Variants in MIA3 observed in about 807,000 individuals in gnomAD.
The protein encoded by MIA3 is transport and Golgi organization protein 1 homolog.
MIA3 carries 90 observed loss-of-function variants against 192.4 expected under a neutral mutation model. The ratio of observed to expected loss-of-function variants is 0.47; its 90% confidence interval spans 0.39 to 0.56. MIA3 has a LOEUF of 0.56. Among genes scored for constraint, MIA3 ranks in the 20% least tolerant of loss-of-function variants. The pLI is 0.00. For synonymous variants in MIA3, 740 were observed against 792.8 expected, an observed-to-expected ratio of 0.93 and a Z score of 1.12; for missense variants, 2,123 against 2,269.4, an observed-to-expected ratio of 0.94 and a Z score of 1.31.
At chr1:222,654,131 G>A (rs187029431) in intron 15 of MIA3, 112 bp from the exon 16 acceptor site, 179 of 1,031,964 alleles carry the variant, frequency 1.7e-4, no homozygotes, top group Middle Eastern at 1.2e-3. Flanking sequence ...GTTTTTGTTT[G>A]TTCTTTAAAT....
intron 3 of MIA3, among the ~76,000 whole-genome samples, chr1:222,625,468 T>A (rs988647788): frequency 1.3e-5 from 2 of 152,226 alleles, no homozygotes; most frequent in Non-Finnish European, 1.5e-5. Context: ...CTGTTAGACA[T>A]TTTAAGGATA....
chr1:222,667,824 A>G lies in MIA3; in HGVS notation c.*2205A>G, dbSNP rs1664356240. 1 of 152,246 alleles carries G rather than the reference A, an allele frequency of 6.6e-6. No individual in the cohort carries two copies. The allele number at this position is 152,246 out of a possible 1,614,324, so 9.4% of individuals were successfully genotyped here. On this transcript the variant is annotated 3_prime_UTR_variant, in exon 28 of 28. Transcript: ENST00000344922. ...GCTAAAATTGTCTTATTTATGAAGC[A>G]GCAATATTCAGCCTGAAAGCATTTC...
At chr1:222,654,123 TTTTG>T (rs796483247) in intron 15 of MIA3, 116 bp from the exon 16 acceptor site, 24 of 945,584 alleles carry the variant, frequency 2.5e-5, no homozygotes, top group South Asian at 6.4e-5. Context: ...CCTTTTCTGT[TTTTG>T]TTTGTTCTTT....
chr1:222,664,231 G>T, intron 27 of MIA3, 83 bp downstream of exon 27: 2 of 1,442,942 alleles, frequency 1.4e-6, no homozygotes, highest in South Asian at 2.4e-5. Context: ...AACTGCAATT[G>T]CGGGGCTTTG....
chr1:222,652,058 A>C lies in MIA3; in HGVS notation c.3981+10A>C. The C allele has an allele frequency of 6.7e-7, 1 of 1,493,186 alleles. No individual in the cohort carries two copies. The highest frequency in any genetic ancestry group is 9.3e-7 in the Non-Finnish European group (1 of 1,070,394). The allele number at this position is 1,493,186 out of a possible 1,614,324, so 92.5% of individuals were successfully genotyped here. A position where few individuals can be genotyped will look rare whatever the true frequency, so the allele number is the denominator to read the frequency against. Reference sequence around the variant, plus strand: ...CTCAGAATTTTCAGAGGTAAAGCTGACTGTAATTCCTGCAGGATATTAATA... The same window carrying C: ...CTCAGAATTTTCAGAGGTAAAGCTGCCTGTAATTCCTGCAGGATATTAATA... On this transcript the variant is annotated intron_variant, in intron 12 of 27. Transcript: ENST00000344922.
chr1:222,659,722 TTTC>T lies in MIA3; in HGVS notation c.4807-8_4807-6del. 1 of 1,613,996 alleles carries T rather than the reference TTTC, an allele frequency of 6.2e-7. No individual in the cohort carries two copies. The highest frequency in any genetic ancestry group is 1.6e-4 in the Middle Eastern group (1 of 6,062). On this transcript the variant is annotated splice_polypyrimidine_tract_variant and intron_variant, in intron 21 of 27. Transcript: ENST00000344922. ...TCTCCCACAACTGAATTTGGATATT[TTTC>T]TTCAATAGCTCAAAGCTCGTGCTGC...
chr1:222,625,634 T>G (rs1662080562), intron 3 of MIA3, among the ~76,000 whole-genome samples: 1 of 152,240 alleles, frequency 6.6e-6, no homozygotes, highest in Admixed American at 6.5e-5. Flanking sequence ...AGGTCCAGTC[T>G]CATATCTGTA....
At position 222,654,788 on chromosome 1, in the gene MIA3, G is replaced by A; in HGVS notation, c.4602G>A (p.Leu1534=). ...NELYQQKEMA[L]QKKLSQEEYE... is the part of the protein sequence containing the mutation. ...TCTATCAGCAGAAGGAGATGGCTTT[G>A]CAAAAGTAAGATTATCATCATTTAC... The change falls in exon 18 of 28, where the codon TTG becomes TTA. Residue 1534 remains leucine (L), a synonymous_variant. Coordinates refer to ENST00000344922, the MANE Select transcript of MIA3 (RefSeq NM_198551.4). 6.2e-7 allele frequency: 1 copy of A among 1,613,288 alleles called. No individual in the cohort carries two copies. Among genetic ancestry groups the A allele is most frequent in the Non-Finnish European group, 8.5e-7 (1 of 1,179,606 alleles).
intron 6 of MIA3, among the ~76,000 whole-genome samples, chr1:222,634,292 G>T (rs1018478945): frequency 1.3e-5 from 2 of 151,982 alleles, no homozygotes; most frequent in African/African-American, 4.8e-5. Context: ...CTGCATTCCA[G>T]CCTGAGCGAC....
In MIA3 at chr1:222,665,397, A is replaced by AT; in HGVS notation, c.5507dup (p.Leu1836PhefsTer8). The AT allele has an allele frequency of 6.2e-7, 1 of 1,613,578 alleles. No homozygotes were observed. The highest frequency in any genetic ancestry group is 8.5e-7 in the Non-Finnish European group (1 of 1,179,838). On this transcript the variant is annotated frameshift_variant, in exon 28 of 28. Coordinates refer to ENST00000344922, the MANE Select transcript of MIA3 (RefSeq NM_198551.4). LOFTEE classifies it low-confidence loss of function (END_TRUNC). ...GGGACCTGCCTCTCCACCCTCGGGG[A>AT]TTTTTACCTGGACACGCACCATTTA...
intron 4 of MIA3, 84 bp downstream of exon 4, chr1:222,630,473 G>C: frequency 7.1e-7 from 1 of 1,403,118 alleles, no homozygotes. Context: ...GTGAAGCTCT[G>C]TTCAGTTTCC....
chr1:222,638,960 C>G (rs922340559), intron 6 of MIA3, among the ~76,000 whole-genome samples: 3 of 152,042 alleles, frequency 2.0e-5, no homozygotes, highest in African/African-American at 4.8e-5. Flanking sequence ...GAGAGAAAAT[C>G]AATGTAACCA....
chr1:222,641,224 A>G (rs1460878973), intron 6 of MIA3, among the ~76,000 whole-genome samples: 1 of 152,244 alleles, frequency 6.6e-6, no homozygotes, highest in Admixed American at 6.5e-5. Context: ...CATTTACCTG[A>G]GACACATTTA....
At chr1:222,640,523 G>A (rs1049550012) in intron 6 of MIA3, among the ~76,000 whole-genome samples, 1 of 152,098 alleles carries the variant, frequency 6.6e-6, no homozygotes, top group African/African-American at 2.4e-5. Flanking sequence ...ACAAAGGAAA[G>A]TCTTTTCAAC....
intron 26 of MIA3, 159 bp from the exon 27 acceptor site, chr1:222,663,839 C>G: frequency 1.5e-6 from 1 of 659,950 alleles, no homozygotes; most frequent in Non-Finnish European, 2.6e-6. Context: ...CTAAGCTTGT[C>G]AGTGGGAACA....
At chr1:222,641,776 G>C in intron 6 of MIA3, 1 of 558,674 alleles carries the variant, frequency 1.8e-6, no homozygotes, top group South Asian at 1.4e-5. Flanking sequence ...GGCAATGGAG[G>C]TGGACAAGAA....
Position 222,628,822 on chromosome 1 carries a change from T to C in MIA3, c.1602T>C (p.His534=), listed in dbSNP as rs933118395. The C allele has an allele frequency of 1.9e-6, 3 of 1,614,158 alleles. No homozygotes were observed. The highest frequency in any genetic ancestry group is 3.3e-5 in the Admixed American group (2 of 60,030). ...TENDLKGAAI[H]ISKGMLHEEK... ...ATGACCTAAAAGGAGCAGCTATTCATATCTCAAAAGGAATGCTCCACGAAG... is the reference window on the plus strand; with the variant it reads ...ATGACCTAAAAGGAGCAGCTATTCACATCTCAAAAGGAATGCTCCACGAAG... The change falls in exon 4 of 28, where the codon CAT becomes CAC. Residue 534 remains histidine, a synonymous_variant. Coordinates refer to ENST00000344922, the MANE Select transcript of MIA3 (RefSeq NM_198551.4).
Position 222,629,130 on chromosome 1 carries a change from A to T in MIA3, c.1910A>T (p.Glu637Val), listed in dbSNP as rs757588976. 2 of 1,614,216 alleles carry T rather than the reference A, an allele frequency of 1.2e-6. No individual in the cohort carries two copies. Among genetic ancestry groups the T allele is most frequent in the Admixed American group, 3.3e-5 (2 of 60,032 alleles). The change falls in exon 4 of 28, where the codon GAG (glutamate) becomes GTG (valine). Residue 637 changes from glutamate (E) to valine (V), a missense_variant. Physicochemically the swap from Glu to Val is moderately radical, Grantham distance 121 (BLOSUM62 -2). Coordinates refer to ENST00000344922, the MANE Select transcript of MIA3 (RefSeq NM_198551.4). Reference protein sequence around the residue: ...QNQPRFSSPDEIDLPRELEDE... With the variant: ...QNQPRFSSPDVIDLPRELEDE... ...CAACCTAGATTCTCCTCTCCAGATG[A>T]GATTGATTTGCCCAGAGAACTGGAA...
At chr1:222,639,267 A>C (rs1368792817) in intron 6 of MIA3, among the ~76,000 whole-genome samples, 3 of 152,200 alleles carry the variant, frequency 2.0e-5, no homozygotes, top group African/African-American at 7.2e-5. Context: ...CCACAAAGAA[A>C]ACCCAGATGG....
Sources: allele counts gnomAD v4.1 joint callset (sites outside exome capture counted in the v4.1 genomes callset), GRCh38; gene constraint gnomAD v4.1.1; transcripts MANE v1.5; gene names NCBI Gene and HGNC (gene_info 2026-07-23, HGNC 2026-07-21).